MAGI1: variants seen among roughly 807,000 people sequenced by gnomAD.
The protein encoded by MAGI1 is membrane associated guanylate kinase, WW and PDZ domain containing 1, also known as membrane-associated guanylate kinase, WW and PDZ domain-containing protein 1.
In MAGI1, 58 loss-of-function variants were observed where a neutral mutation model predicts 139.9. That is an observed-to-expected ratio of 0.41 (90% CI 0.34 to 0.52). The LOEUF (loss-of-function observed/expected upper bound fraction) is 0.52. Ranked by LOEUF, MAGI1 falls within the 20% of genes least tolerant of loss-of-function variation. The probability of loss-of-function intolerance (pLI) is 0.12; values close to 1 mark genes in which losing one functional copy is unlikely to be tolerated. For synonymous variants in MAGI1, 812 were observed against 737.9 expected, an observed-to-expected ratio of 1.10 and a Z score of -1.63; for missense variants, 1,874 against 1,901.6, an observed-to-expected ratio of 0.99 and a Z score of 0.27.
At chr3:65,493,657 A>G (rs377517136) in intron 2 of MAGI1, 26 bp from the exon 3 acceptor site, 786 of 1,613,046 alleles carry the variant, frequency 4.9e-4, no homozygotes, top group Non-Finnish European at 6.4e-4. Flanking sequence ...CAAAGGCACA[A>G]CAAACCATCA....
chr3:65,441,711 G>T (rs1005202603), intron 8 of MAGI1, among the ~76,000 whole-genome samples: 4 of 152,134 alleles, frequency 2.6e-5, no homozygotes, highest in African/African-American at 9.7e-5. Flanking sequence ...ATTTTCTGAG[G>T]GTCAGAGGGG....
rs538339736 is a variant in MAGI1 at position 65,615,647 on chromosome 3, C to T, written c.430+6325G>A. On this transcript the variant is annotated intron_variant, in intron 2 of 22. Transcript: ENST00000402939. Reference sequence around the variant, plus strand: ...TCCAGAATAACAAAGAACCTTCCCGCTTCCCTCACCACCTTCCAGTGCTCC... The same window carrying T: ...TCCAGAATAACAAAGAACCTTCCCGTTTCCCTCACCACCTTCCAGTGCTCC... Among the ~76,000 whole-genome samples the T allele has an allele frequency of 2.6e-5, 4 of 152,302 alleles. No individual in the cohort carries two copies. The East Asian group carries it at 7.7e-4, about 29-fold the overall frequency.
At chr3:66,006,895 A>G (rs757222425) in intron 1 of MAGI1, among the ~76,000 whole-genome samples, 2 of 152,086 alleles carry the variant, frequency 1.3e-5, no homozygotes, top group African/African-American at 4.8e-5. Flanking sequence ...TAGTAGCTCA[A>G]TCATAGCTCA....
rs1399670197 is a variant in MAGI1 at position 65,645,036 on chromosome 3, A to AATG, written c.314-22951_314-22949dup. On this transcript the variant is annotated intron_variant, in intron 1 of 22. Transcript: ENST00000402939. Reference sequence around the variant, plus strand: ...AAAGAAAGAAAAAAAAAACAGTGAAAATGAATGGAAAAAAGAAACAGAGCC... The same window carrying AATG: ...AAAGAAAGAAAAAAAAAACAGTGAAAATGATGAATGGAAAAAAGAAACAGAGCC... 2.6e-5 allele frequency among the ~76,000 whole-genome samples: 4 copies of AATG among 151,768 alleles called. No homozygotes were observed. The East Asian group carries it at 7.7e-4, about 29-fold the overall frequency.
chr3:65,453,183 C>G, intron 6 of MAGI1, 75 bp downstream of exon 6: 1 of 1,300,766 alleles, frequency 7.7e-7, no homozygotes, highest in Non-Finnish European at 1.1e-6. Context: ...ACTGACCTGG[C>G]TACGACTCTT....
At chr3:65,514,155 A>G (rs967405623) in intron 2 of MAGI1, among the ~76,000 whole-genome samples, 7 of 151,072 alleles carry the variant, frequency 4.6e-5, no homozygotes, top group African/African-American at 1.7e-4. Flanking sequence ...ACAAAAATCA[A>G]TTCAAGATGG....
At chr3:65,832,809 T>C (rs1033125851) in intron 1 of MAGI1, among the ~76,000 whole-genome samples, 1 of 152,200 alleles carries the variant, frequency 6.6e-6, no homozygotes, top group Non-Finnish European at 1.5e-5. Context: ...TCCACTTTGA[T>C]GAAAATAGCA....
At chr3:65,486,421 G>C (rs2107642484) in intron 3 of MAGI1, among the ~76,000 whole-genome samples, 2 of 152,184 alleles carry the variant, frequency 1.3e-5, no homozygotes, top group Non-Finnish European at 2.9e-5. Flanking sequence ...CTCTCTCCTA[G>C]AGAAGTCCCA....
intron 1 of MAGI1, among the ~76,000 whole-genome samples, chr3:66,028,525 T>G: frequency 1.3e-5 from 1 of 74,702 alleles, no homozygotes; most frequent in African/African-American, 3.6e-5. Flanking sequence ...TAAGCCCCAC[T>G]GCTTCCCCAG....
chr3:65,440,868 T>A (rs1181782960), intron 8 of MAGI1, among the ~76,000 whole-genome samples: 1 of 150,428 alleles, frequency 6.6e-6, no homozygotes, highest in African/African-American at 2.5e-5. Flanking sequence ...TATATATGTA[T>A]ACACATATAT....
At chr3:65,755,002 G>A (rs2036449870) in intron 1 of MAGI1, among the ~76,000 whole-genome samples, 2 of 150,788 alleles carry the variant, frequency 1.3e-5, no homozygotes, top group South Asian at 4.2e-4. Context: ...CACCAAGGCT[G>A]GAGTGCAGTG....
intron 1 of MAGI1, among the ~76,000 whole-genome samples, chr3:65,937,914 A>T (rs1194547066): frequency 6.6e-6 from 1 of 152,124 alleles, no homozygotes; most frequent in East Asian, 1.9e-4. Context: ...TATGGCATTT[A>T]TTTTTTTAAT....
intron 1 of MAGI1, among the ~76,000 whole-genome samples, chr3:65,853,764 C>T (rs1242028912): frequency 6.6e-6 from 1 of 152,112 alleles, no homozygotes; most frequent in Non-Finnish European, 1.5e-5. Flanking sequence ...GCTGCTGATA[C>T]TCAATATGGA....
intron 2 of MAGI1, among the ~76,000 whole-genome samples, chr3:65,499,366 T>C (rs1164498109): frequency 6.6e-6 from 1 of 152,138 alleles, no homozygotes; most frequent in Non-Finnish European, 1.5e-5. Flanking sequence ...AATGGTTAAA[T>C]TGGCCAGGTG....
chr3:65,390,414 T>C (rs1355045986), intron 14 of MAGI1, among the ~76,000 whole-genome samples: 1 of 152,090 alleles, frequency 6.6e-6, no homozygotes, highest in East Asian at 1.9e-4. Flanking sequence ...AACAATCAAT[T>C]TGCATCGCCT....
At chr3:65,404,897 T>C (rs1945208557) in intron 12 of MAGI1, among the ~76,000 whole-genome samples, 2 of 152,206 alleles carry the variant, frequency 1.3e-5, no homozygotes, top group Non-Finnish European at 2.9e-5. Context: ...AGCAAACACT[T>C]TGTATGCCTT....
chr3:65,559,917 T>C (rs1440114748), intron 2 of MAGI1, among the ~76,000 whole-genome samples: 1 of 152,048 alleles, frequency 6.6e-6, no homozygotes, highest in Non-Finnish European at 1.5e-5. Context: ...GCAACTGTAG[T>C]CCCAGCTACT....
chr3:66,034,458 G>C (rs1576539327), intron 1 of MAGI1, among the ~76,000 whole-genome samples: 1 of 152,168 alleles, frequency 6.6e-6, no homozygotes, highest in Non-Finnish European at 1.5e-5. Flanking sequence ...CGAAGCATCA[G>C]CTTAGCCAAG....
At chr3:65,358,670 G>C (rs1940465468) in intron 22 of MAGI1, among the ~76,000 whole-genome samples, 1 of 152,168 alleles carries the variant, frequency 6.6e-6, no homozygotes, top group Admixed American at 6.5e-5. Flanking sequence ...GGACAGGATT[G>C]GGCCCATGGA....
Sources: allele counts gnomAD v4.1 joint callset (sites outside exome capture counted in the v4.1 genomes callset), GRCh38; gene constraint gnomAD v4.1.1; transcripts MANE v1.5; gene names NCBI Gene and HGNC (gene_info 2026-07-23, HGNC 2026-07-21).